FLNB: variants seen among roughly 807,000 people sequenced by gnomAD.
FLNB encodes the protein filamin B, also known as filamin-B.
In FLNB, 111 loss-of-function variants were observed where a neutral mutation model predicts 250.6. The observed-to-expected ratio is 0.44, with a 90% confidence interval of 0.38 to 0.52. The LOEUF (loss-of-function observed/expected upper bound fraction) is 0.52, where lower values mean the gene tolerates loss of function less well. Among genes scored for constraint, FLNB ranks in the 20% least tolerant of loss-of-function variants. The pLI, the probability that FLNB is intolerant of heterozygous loss-of-function variation, is 0.00. For missense variants in FLNB, 2,869 were observed against 3,447.8 expected (o/e 0.83, Z 4.20); for synonymous variants, 1,302 against 1,372.1 (o/e 0.95, Z 1.13).
At position 58,106,845 on chromosome 3, in the gene FLNB, C is replaced by A. The variant is rs775718314; in HGVS notation, c.1913C>A (p.Pro638Gln). 1.9e-6 allele frequency: 3 copies of A among 1,613,984 alleles called. No homozygotes were observed. Among genetic ancestry groups the A allele is most frequent in the Non-Finnish European group, 2.5e-6 (3 of 1,180,006 alleles). ...AGCCCGTACATGGCCTTCATCCACC[C>A]AGCCACGGGAGGCTACAACCCTGAT... ...KDSPYMAFIH[P>Q]ATGGYNPDLV... The change falls in exon 12 of 46, where the codon CCA (proline) becomes CAA (glutamine). Residue 638 changes from proline (P) to glutamine (Q), a missense_variant. By Grantham distance (76) the Pro-to-Gln change is moderately conservative (BLOSUM62 -1). This residue lies in a region of FLNB where 1,348 missense variants were observed against 1,466.7 expected (regional missense o/e 0.92). Coordinates refer to ENST00000295956, the MANE Select transcript of FLNB (RefSeq NM_001457.4).
intron 1 of FLNB, among the ~76,000 whole-genome samples, chr3:58,051,368 GGCCC>G (rs1423947619): frequency 6.6e-6 from 1 of 152,206 alleles, no homozygotes; most frequent in East Asian, 1.9e-4. Context: ...TGAGACAAGT[GGCCC>G]GCATGTCTGC....
chr3:58,154,707 A>G, intron 39 of FLNB, 84 bp from the exon 40 acceptor site: 1 of 1,428,850 alleles, frequency 7.0e-7, no homozygotes, highest in Non-Finnish European at 9.9e-7. Flanking sequence ...GACGAAACCT[A>G]GCACTGCAGG....
chr3:58,069,385 T>G (rs1454113112), intron 1 of FLNB, among the ~76,000 whole-genome samples: 2 of 151,702 alleles, frequency 1.3e-5, no homozygotes, highest in Non-Finnish European at 2.9e-5. Context: ...GATTACAAGG[T>G]GCCCACCGCC....
At chr3:58,068,671 T>C (rs945967559) in intron 1 of FLNB, among the ~76,000 whole-genome samples, 2 of 152,194 alleles carry the variant, frequency 1.3e-5, no homozygotes, top group Non-Finnish European at 2.9e-5. Context: ...AAAGCTGACC[T>C]GGGCTGTCAG....
chr3:58,145,376 C>G (rs2097334180), intron 32 of FLNB, among the ~76,000 whole-genome samples: 1 of 152,062 alleles, frequency 6.6e-6, no homozygotes, highest in Non-Finnish European at 1.5e-5. Flanking sequence ...TTTTAATGGC[C>G]CATGAGTAGA....
Position 58,112,215 on chromosome 3 carries a change from A to G in FLNB, c.2642A>G (p.Asn881Ser), listed in dbSNP as rs1199239072. The G allele has an allele frequency of 1.2e-6, 2 of 1,614,190 alleles. No homozygotes were observed. Among genetic ancestry groups the G allele is most frequent in the East Asian group, 2.2e-5 (1 of 44,882 alleles). ...AAGGGGGCTGGGAAAGCCCCGCTCA[A>G]CGTGCAGTTCAACAGCCCTCTTCCT... ...YTKGAGKAPL[N>S]VQFNSPLPGD... Residue 881 changes from asparagine to serine, a missense_variant, in exon 18 of 46, where the codon AAC (asparagine) becomes AGC (serine). By Grantham distance (46) the Asn-to-Ser change is conservative. Coordinates refer to ENST00000295956, the MANE Select transcript of FLNB (RefSeq NM_001457.4).
chr3:58,038,849 G>A (rs2097141902), intron 1 of FLNB, among the ~76,000 whole-genome samples: 1 of 152,118 alleles, frequency 6.6e-6, no homozygotes, highest in African/African-American at 2.4e-5. Context: ...GGCACCCAGT[G>A]CATAGAAGAG....
intron 4 of FLNB, among the ~76,000 whole-genome samples, chr3:58,084,468 A>G (rs1003483750): frequency 2.0e-5 from 3 of 152,122 alleles, no homozygotes; most frequent in African/African-American, 7.2e-5. Flanking sequence ...ATCACTTGTT[A>G]TGGTTCAGGA....
In FLNB at chr3:58,132,815, G is replaced by A. The variant is rs1370422013; in HGVS notation, c.4398G>A (p.Val1466=). 1 of 1,614,106 alleles carries A rather than the reference G, an allele frequency of 6.2e-7. No individual in the cohort carries two copies. ...EVRVLGPRGL[V]EPVNVVDNGD... ...TCTCATCTCTGTCCTCAGGCTTGGT[G>A]GAGCCAGTGAACGTGGTGGACAATG... Residue 1466 remains valine (V), a synonymous_variant, in exon 26 of 46, where the codon GTG becomes GTA. Transcript: ENST00000295956.
intron 29 of FLNB, among the ~76,000 whole-genome samples, chr3:58,139,451 G>A (rs1443790188): frequency 2.0e-5 from 3 of 152,146 alleles, no homozygotes; most frequent in Non-Finnish European, 4.4e-5. Context: ...ATTTCATTTT[G>A]TGCAGCAATG....
rs569967769 is a variant in FLNB at position 58,101,155 on chromosome 3, G to T, written c.1346-1048G>T. ...TCTCTAACTCCAAGGGTATGTGTATGACTCTTTGGGAAGCAGTTGTTTGCC... is the reference window on the plus strand; with the variant it reads ...TCTCTAACTCCAAGGGTATGTGTATTACTCTTTGGGAAGCAGTTGTTTGCC... On this transcript the variant is annotated intron_variant, in intron 8 of 45. Coordinates refer to ENST00000295956, the MANE Select transcript of FLNB (RefSeq NM_001457.4). Among the ~76,000 whole-genome samples the T allele has an allele frequency of 2.0e-5, 3 of 152,306 alleles. No homozygotes were observed. The South Asian group carries it at 6.2e-4, about 32-fold the overall frequency.
intron 1 of FLNB, among the ~76,000 whole-genome samples, chr3:58,025,543 T>G (rs1000791253): frequency 1.3e-5 from 2 of 152,198 alleles, no homozygotes; most frequent in African/African-American, 4.8e-5. Flanking sequence ...CTCCTGGGCC[T>G]GAGTCTTGGC....
intron 4 of FLNB, among the ~76,000 whole-genome samples, chr3:58,091,629 T>TAA (rs11443677): frequency 5.3e-5 from 8 of 150,950 alleles, no homozygotes; most frequent in South Asian, 2.1e-4. Flanking sequence ...CATGATCCAT[T>TAA]AAAAAAAAAT....
In FLNB at chr3:58,130,775, G is replaced by A; in HGVS notation, c.4257G>A (p.Val1419=). The change falls in exon 25 of 46, where the codon GTG becomes GTA. Residue 1419 remains valine, a synonymous_variant. Coordinates refer to ENST00000295956, the MANE Select transcript of FLNB (RefSeq NM_001457.4). ...SPFRVPVKDV[V]DPSKVKIAGP... ...TCAGGGTTCCTGTGAAGGATGTTGT[G>A]GACCCCAGCAAGGTCAAGATTGCCG... The A allele has an allele frequency of 6.2e-7, 1 of 1,613,900 alleles. No individual in the cohort carries two copies. Among genetic ancestry groups the A allele is most frequent in the Non-Finnish European group, 8.5e-7 (1 of 1,179,952 alleles).
At chr3:58,028,739 A>G (rs1046717339) in intron 1 of FLNB, among the ~76,000 whole-genome samples, 1 of 148,640 alleles carries the variant, frequency 6.7e-6, no homozygotes, top group East Asian at 2.1e-4. Context: ...TCAGCCTCCC[A>G]AGTAGCTGGG....
chr3:58,067,103 C>T (rs150790395), intron 1 of FLNB, among the ~76,000 whole-genome samples: 1 of 152,300 alleles, frequency 6.6e-6, no homozygotes, highest in East Asian at 1.9e-4. Context: ...CTCCCCCATG[C>T]CATGCCCAGG....
intron 1 of FLNB, among the ~76,000 whole-genome samples, chr3:58,023,033 C>G (rs2097116380): frequency 6.6e-6 from 1 of 151,310 alleles, no homozygotes; most frequent in Non-Finnish European, 1.5e-5. Flanking sequence ...CCAGCCTGGT[C>G]CTGAACTCCT....
intron 1 of FLNB, among the ~76,000 whole-genome samples, chr3:58,029,579 A>T (rs1309472101): frequency 6.7e-6 from 1 of 148,982 alleles, no homozygotes. Flanking sequence ...ATCTCGGCTC[A>T]CTGCAGTCTT....
chr3:58,157,953 CGG>C (rs1307655653), intron 41 of FLNB, among the ~76,000 whole-genome samples: 1 of 152,216 alleles, frequency 6.6e-6, no homozygotes, highest in African/African-American at 2.4e-5. Flanking sequence ...CTGTTCTTCC[CGG>C]GTCATTTGAT....
Sources: gnomAD v4.1 joint callset for allele counts (sites outside exome capture counted in the v4.1 genomes callset) on GRCh38, gnomAD v4.1.1 for gene constraint, gnomAD v4.1.1 regional missense constraint, MANE v1.5 for transcripts, NCBI Gene and HGNC (gene_info 2026-07-23, HGNC 2026-07-21) for gene names.